The following AXDND1 variants were observed in gnomAD, a reference collection of about 807,000 sequenced individuals.
AXDND1 encodes the protein axonemal dynein light chain domain-containing protein 1.
A neutral mutation model predicts 137.5 loss-of-function variants in AXDND1; 110 were observed. That is an observed-to-expected ratio of 0.80 (90% confidence interval 0.69 to 0.94). The LOEUF (loss-of-function observed/expected upper bound fraction) is 0.94. Among genes scored for constraint, AXDND1 ranks in the 40% least tolerant of loss-of-function variants. AXDND1 has a pLI of 0.00. For missense variants in AXDND1, 1,191 were observed against 1,169.8 expected (o/e 1.02, Z -0.26); for synonymous variants, 414 against 399.7 (o/e 1.04, Z -0.43).
chr1:179,377,777 G>C (rs1486972639), intron 4 of AXDND1, among the ~76,000 whole-genome samples: 1 of 152,144 alleles, frequency 6.6e-6, no homozygotes, highest in Non-Finnish European at 1.5e-5. Context: ...TCAGAAGAGA[G>C]GTATGGGTGG....
chr1:179,456,020 A>G (rs1209898347), intron 16 of AXDND1: 1 of 370,602 alleles, frequency 2.7e-6, no homozygotes, highest in East Asian at 7.0e-5. Flanking sequence ...AACACAAACT[A>G]AAATAACCTG....
chr1:179,461,337 G>T (rs1662289955), intron 16 of AXDND1, among the ~76,000 whole-genome samples: 1 of 152,010 alleles, frequency 6.6e-6, no homozygotes, highest in Non-Finnish European at 1.5e-5. Flanking sequence ...TTTTTGTCAG[G>T]TTTCTTAAAG....
rs1181336799 is a variant in AXDND1 at position 179,465,692 on chromosome 1, TTTG to T, written c.1799-2748_1799-2746del. On this transcript the variant is annotated intron_variant, in intron 16 of 25. Transcript: ENST00000367618. ...AAGTCTGCAGAAGTTTCTGCTGCCT[TTTG>T]TTCAGCTATGCCCTGCCCCCAGAGA... Among the ~76,000 whole-genome samples the T allele has an allele frequency of 5.9e-5, 9 of 152,338 alleles. No homozygotes were observed. The East Asian group carries it at 1.7e-3, about 29-fold the overall frequency.
At chr1:179,447,860 T>C in intron 16 of AXDND1, 1 of 1,335,876 alleles carries the variant, frequency 7.5e-7, no homozygotes, top group African/African-American at 1.4e-5. Context: ...TTGCCAGTAC[T>C]TGGTGGTCTC....
intron 23 of AXDND1, among the ~76,000 whole-genome samples, chr1:179,530,197 T>C (rs1395768501): frequency 6.6e-6 from 1 of 152,010 alleles, no homozygotes; most frequent in African/African-American, 2.4e-5. Flanking sequence ...GCCCGGCTAA[T>C]TTTTTGTACT....
rs145346796 is a variant in AXDND1 at position 179,398,363 on chromosome 1, G to A, written c.1109+3161G>A. ...CTTGAGGTTAGGAATCCACTGCACT[G>A]GGGGGAGCTGAGGTGCTCCTGGACC... is the stretch of plus-strand genomic sequence containing the variant. On this transcript the variant is annotated intron_variant, in intron 11 of 25. Transcript: ENST00000367618. 6.5e-3 allele frequency among the ~76,000 whole-genome samples: 985 copies of A among 152,198 alleles called. 9 individuals are homozygous for A. Among genetic ancestry groups the A allele is most frequent in the African/African-American group, 0.023 (941 of 41,538 alleles).
chr1:179,545,397 T>G (rs1250250096), intron 25 of AXDND1: 1 of 152,092 alleles, frequency 6.6e-6, no homozygotes. Flanking sequence ...GAGGGATGGG[T>G]TTCAACATTC....
chr1:179,528,745 C>T (rs1364749744), intron 23 of AXDND1, among the ~76,000 whole-genome samples: 1 of 148,602 alleles, frequency 6.7e-6, no homozygotes, highest in Non-Finnish European at 1.5e-5. Context: ...GTTCCTGCTA[C>T]CATGCCCGGC....
At chr1:179,408,721 T>A (rs1016935382) in intron 11 of AXDND1, among the ~76,000 whole-genome samples, 2 of 151,956 alleles carry the variant, frequency 1.3e-5, no homozygotes, top group African/African-American at 2.4e-5. Flanking sequence ...CACTGTATCC[T>A]CCAGGCTGGA....
At chr1:179,385,116 G>A (rs1455702610) in intron 8 of AXDND1, 122 bp from the exon 9 acceptor site, 2 of 846,254 alleles carry the variant, frequency 2.4e-6, no homozygotes, top group Non-Finnish European at 3.7e-6. Context: ...AAATGAAAAT[G>A]TAAGTGAAAT....
chr1:179,483,210 C>G lies in AXDND1; in HGVS notation c.2080C>G (p.Leu694Val), dbSNP rs762826559. Residue 694 changes from leucine to valine, a missense_variant, in exon 18 of 26, where the codon CTT becomes GTT. Leu to Val is a conservative substitution (Grantham distance 32). Coordinates refer to ENST00000367618, the MANE Select transcript of AXDND1 (RefSeq NM_144696.6). ...TGAAATTAACAACGGTAACATTGAACTTCAGCACCACGTATGTACTTGTAA... is the reference window on the plus strand; with the variant it reads ...TGAAATTAACAACGGTAACATTGAAGTTCAGCACCACGTATGTACTTGTAA... The part of the protein sequence containing the change: ...GNEINNGNIE[L>V]QHHMDELHIS... 1 of 1,606,350 alleles carries G rather than the reference C, an allele frequency of 6.2e-7. No individual in the cohort carries two copies. Among genetic ancestry groups the G allele is most frequent in the Admixed American group, 1.7e-5 (1 of 59,334 alleles).
chr1:179,474,283 A>G (rs117835839), intron 17 of AXDND1, among the ~76,000 whole-genome samples: 2 of 152,144 alleles, frequency 1.3e-5, no homozygotes, highest in East Asian at 3.9e-4. Context: ...ATGGAGTAAT[A>G]TAGGAAATTG....
chr1:179,406,304 G>A (rs969451586), intron 11 of AXDND1, among the ~76,000 whole-genome samples: 1 of 152,218 alleles, frequency 6.6e-6, no homozygotes, highest in Non-Finnish European at 1.5e-5. Context: ...AATGTTCCAT[G>A]TGCTGATGAG....
chr1:179,370,910 A>G (rs1005853314), intron 4 of AXDND1, among the ~76,000 whole-genome samples: 1 of 152,216 alleles, frequency 6.6e-6, no homozygotes, highest in Non-Finnish European at 1.5e-5. Flanking sequence ...TAAAACTATA[A>G]TGTGCTATTT....
chr1:179,493,767 C>A (rs1057454234), intron 20 of AXDND1, among the ~76,000 whole-genome samples: 6 of 152,168 alleles, frequency 3.9e-5, no homozygotes, highest in African/African-American at 7.2e-5. Context: ...ATGGATACCC[C>A]TGTTACCCTG....
chr1:179,498,989 A>G (rs951594904), intron 20 of AXDND1, among the ~76,000 whole-genome samples: 3 of 152,112 alleles, frequency 2.0e-5, no homozygotes, highest in African/African-American at 7.2e-5. Context: ...TGGGAATGTA[A>G]ATTAGTCTAG....
chr1:179,376,909 A>G (rs1647358154), intron 4 of AXDND1, among the ~76,000 whole-genome samples: 1 of 151,908 alleles, frequency 6.6e-6, no homozygotes, highest in South Asian at 2.1e-4. Context: ...CCTATAACCC[A>G]GGGCACCCAA....
chr1:179,443,802 C>T (rs528590393), intron 15 of AXDND1, among the ~76,000 whole-genome samples: 70 of 152,106 alleles, frequency 4.6e-4, no homozygotes, highest in African/African-American at 1.6e-3. Context: ...ACATTAATAA[C>T]ATAATCTTTA....
At chr1:179,489,946 A>C (rs575337263) in intron 18 of AXDND1, among the ~76,000 whole-genome samples, 2 of 151,944 alleles carry the variant, frequency 1.3e-5, no homozygotes, top group Non-Finnish European at 2.9e-5. Flanking sequence ...GGGTTTCACT[A>C]TGTTAGGCAG....
Sources: gnomAD v4.1 joint callset for allele counts (sites outside exome capture counted in the v4.1 genomes callset) on GRCh38, gnomAD v4.1.1 for gene constraint, MANE v1.5 for transcripts, NCBI Gene and HGNC (gene_info 2026-07-23, HGNC 2026-07-21) for gene names.